The following ECT2 variants were observed in gnomAD, a reference collection of about 807,000 sequenced individuals.
ECT2 encodes the protein protein ECT2.
ECT2 carries 61 observed loss-of-function variants against 116.9 expected under a neutral mutation model. That is an observed-to-expected ratio of 0.52 (90% confidence interval 0.42 to 0.65). The LOEUF is 0.65. Ranked by LOEUF, ECT2 falls within the 30% of genes least tolerant of loss-of-function variation. ECT2 has a pLI of 0.00. For missense variants in ECT2, 937 were observed against 1,078.7 expected (o/e 0.87, Z 1.84); for synonymous variants, 358 against 346.4 (o/e 1.03, Z -0.37).
chr3:172,816,560 A>G, intron 23 of ECT2, 131 bp from the exon 24 acceptor site: 2 of 645,086 alleles, frequency 3.1e-6, no homozygotes, highest in Non-Finnish European at 4.8e-6. Context: ...TTTTGTGCCA[A>G]AGAGATTCTA....
chr3:172,764,216 CTT>C, intron 11 of ECT2, 60 bp from the exon 12 acceptor site: 1 of 1,421,694 alleles, frequency 7.0e-7, no homozygotes, highest in Non-Finnish European at 9.8e-7. Flanking sequence ...ATATTTTTCT[CTT>C]GTTCCTGTCT....
At chr3:172,824,540 G>T (rs1435817548), downstream of ECT2, among the ~76,000 whole-genome samples, 1 of 152,120 alleles carries the variant, frequency 6.6e-6, no homozygotes, top group Non-Finnish European at 1.5e-5. Context: ...CAGCATTGGG[G>T]TTTACATTTC....
Position 172,802,707 on chromosome 3 carries a change from C to T in ECT2, c.1986+13C>T. 1.3e-6 allele frequency: 2 copies of T among 1,569,190 alleles called. No individual in the cohort carries two copies. The highest frequency in any genetic ancestry group is 1.7e-6 in the Non-Finnish European group (2 of 1,158,164). On this transcript the variant is annotated intron_variant, in intron 19 of 24. Transcript: ENST00000392692. ...AGATGGATGCCCAGTAAGTATTCTT[C>T]TTTAACAATTATTAATTTATTTTCT...
chr3:172,784,213 A>C (rs1395036074), intron 16 of ECT2, among the ~76,000 whole-genome samples: 2 of 151,938 alleles, frequency 1.3e-5, no homozygotes, highest in East Asian at 3.9e-4. Context: ...TGAGAGACTG[A>C]TGAGGGAGGA....
At chr3:172,792,719 C>CT (rs946445067) in intron 18 of ECT2, among the ~76,000 whole-genome samples, 22 of 150,310 alleles carry the variant, frequency 1.5e-4, no homozygotes, top group East Asian at 1.4e-3. Context: ...TAGGTTTTTC[C>CT]TTTTTTTTTG....
chr3:172,804,652 C>T (rs1214034561), intron 20 of ECT2, among the ~76,000 whole-genome samples: 2 of 152,174 alleles, frequency 1.3e-5, no homozygotes, highest in Non-Finnish European at 2.9e-5. Context: ...GGTCAGCTTG[C>T]TCCATTCATC....
At chr3:172,759,740 G>A (rs757478934) in intron 6 of ECT2, among the ~76,000 whole-genome samples, 6 of 152,170 alleles carry the variant, frequency 3.9e-5, no homozygotes, top group South Asian at 2.1e-4. Context: ...CACCGCGCCC[G>A]GCCAGAAAGT....
chr3:172,817,679 T>C (rs1417736879), intron 24 of ECT2, among the ~76,000 whole-genome samples: 1 of 152,114 alleles, frequency 6.6e-6, no homozygotes, highest in Non-Finnish European at 1.5e-5. Context: ...TATTATTAGA[T>C]ATTTAATACT....
downstream of ECT2, among the ~76,000 whole-genome samples, chr3:172,825,166 GTTATTA>G (rs1168724860): frequency 2.0e-5 from 3 of 152,032 alleles, no homozygotes; most frequent in African/African-American, 7.2e-5. Context: ...CATCTTTGAT[GTTATTA>G]TTGTAATTGT....
chr3:172,828,920 C>A, the ECT2 span: 2 of 1,456,346 alleles, frequency 1.4e-6, no homozygotes, highest in South Asian at 2.5e-5. Context: ...AATTCCAATG[C>A]CAGTCCCTGA....
At chr3:172,779,906 AAAAG>A (rs1183609962) in intron 14 of ECT2, among the ~76,000 whole-genome samples, 16 of 152,096 alleles carry the variant, frequency 1.1e-4, no homozygotes, top group South Asian at 2.1e-4. Flanking sequence ...AAAAAAAAAA[AAAAG>A]AAAGAAAATA....
intron 12 of ECT2, among the ~76,000 whole-genome samples, chr3:172,765,852 T>C (rs1054028755): frequency 1.3e-5 from 2 of 152,160 alleles, no homozygotes; most frequent in Non-Finnish European, 2.9e-5. Context: ...TCTTTGTTAT[T>C]CTTCAAATAT....
intron 10 of ECT2, 50 bp from the exon 11 acceptor site, chr3:172,762,860 T>A: frequency 6.2e-7 from 1 of 1,610,288 alleles, no homozygotes; most frequent in Non-Finnish European, 8.5e-7. Flanking sequence ...ATAGCTTCTC[T>A]GATAAAATAA....
rs563678059 is a variant in ECT2 at position 172,814,696 on chromosome 3, T to A, written c.2401-908T>A. ...TTTTTAATTGACACATAACTACATA[T>A]TTATGGGGCATAATGTGATGTTTTG... On this transcript the variant is annotated intron_variant, in intron 22 of 24. Transcript: ENST00000392692. 5.3e-5 allele frequency among the ~76,000 whole-genome samples: 8 copies of A among 152,290 alleles called. No individual in the cohort carries two copies. The East Asian group carries it at 1.2e-3, about 22-fold the overall frequency.
chr3:172,761,561 GA>G (rs1718301066), intron 7 of ECT2, 48 bp from the exon 8 acceptor site: 1 of 1,305,816 alleles, frequency 7.7e-7, no homozygotes, highest in South Asian at 1.2e-5. Flanking sequence ...GAACTTCCTT[GA>G]ATGCAGTTAT....
chr3:172,768,039 T>G (rs1394246771), intron 12 of ECT2, among the ~76,000 whole-genome samples: 1 of 152,098 alleles, frequency 6.6e-6, no homozygotes, highest in Non-Finnish European at 1.5e-5. Flanking sequence ...GCCGCAAATT[T>G]TTTTCTTTCA....
intron 4 of ECT2, among the ~76,000 whole-genome samples, chr3:172,756,714 A>G (rs1717056478): frequency 6.6e-6 from 1 of 152,184 alleles, no homozygotes; most frequent in Non-Finnish European, 1.5e-5. Context: ...AATAAGTAAT[A>G]AGTCAGAATT....
chr3:172,756,925 CA>C, intron 4 of ECT2, 57 bp from the exon 5 acceptor site: 1 of 1,393,762 alleles, frequency 7.2e-7, no homozygotes, highest in East Asian at 2.4e-5. Flanking sequence ...TTTAGAGAGA[CA>C]GATGGATTAT....
intron 22 of ECT2, among the ~76,000 whole-genome samples, chr3:172,813,286 C>T (rs551125205): frequency 1.3e-5 from 2 of 151,888 alleles, no homozygotes; most frequent in South Asian, 4.2e-4. Context: ...AATATATACC[C>T]AACTAATAGT....
Sources: allele counts gnomAD v4.1 joint callset (sites outside exome capture counted in the v4.1 genomes callset), GRCh38; gene constraint gnomAD v4.1.1; transcripts MANE v1.5; gene names NCBI Gene and HGNC (gene_info 2026-07-23, HGNC 2026-07-21).